The following HYCC1 variants were observed in gnomAD, a reference collection of about 807,000 sequenced individuals.
HYCC1 encodes hyccin PI4KA lipid kinase complex subunit 1, also known as hyccin.
chr7:22,929,792 C>T, the HYCC1 span, among the ~76,000 whole-genome samples: 1 of 152,122 alleles, frequency 6.6e-6, no homozygotes, highest in African/African-American at 2.4e-5. Context: ...GGCGATTCCT[C>T]AAGGATCTAG....
the HYCC1 span, among the ~76,000 whole-genome samples, chr7:22,932,438 C>T: frequency 6.6e-6 from 1 of 152,140 alleles, no homozygotes; most frequent in South Asian, 2.1e-4. Context: ...AACCTGTTGG[C>T]TAACAGAGGC....
chr7:22,990,319 T>C, the HYCC1 span, among the ~76,000 whole-genome samples: 1 of 152,174 alleles, frequency 6.6e-6, no homozygotes. Flanking sequence ...GGTCCCATGG[T>C]GTCTGTTGGG....
chr7:22,916,820 G>C, the HYCC1 span, among the ~76,000 whole-genome samples: 14 of 152,158 alleles, frequency 9.2e-5, no homozygotes, highest in Admixed American at 9.2e-4. Flanking sequence ...CTACCTCTCA[G>C]CAAGCTGAAC....
the HYCC1 span, among the ~76,000 whole-genome samples, chr7:22,999,402 G>T: frequency 1.3e-5 from 2 of 152,138 alleles, no homozygotes; most frequent in African/African-American, 2.4e-5. Context: ...ACATACAAAT[G>T]ATAAAGTTTA....
the HYCC1 span, among the ~76,000 whole-genome samples, chr7:23,007,538 T>A: frequency 6.6e-6 from 1 of 152,124 alleles, no homozygotes; most frequent in Non-Finnish European, 1.5e-5. Context: ...TTAGAGCCAA[T>A]CTATTTCAAA....
the HYCC1 span, among the ~76,000 whole-genome samples, chr7:23,013,036 G>A: frequency 1.3e-5 from 2 of 152,172 alleles, no homozygotes; most frequent in African/African-American, 2.4e-5. Context: ...ATTTCTCAGA[G>A]AGCAGATTCT....
the HYCC1 span, among the ~76,000 whole-genome samples, chr7:22,960,689 A>G: frequency 1.3e-5 from 2 of 152,232 alleles, no homozygotes; most frequent in African/African-American, 4.8e-5. Flanking sequence ...CAGCTAAAGT[A>G]TGTTAAGGAG....
chr7:22,978,020 G>C, the HYCC1 span: 19 of 579,924 alleles, frequency 3.3e-5, no homozygotes, highest in Non-Finnish European at 5.5e-5. Flanking sequence ...GATATTTTCA[G>C]ATATCTCTAT....
At chr7:22,983,655 A>G in the HYCC1 span, 1 of 372,162 alleles carries the variant, frequency 2.7e-6, no homozygotes, top group Non-Finnish European at 5.0e-6. Flanking sequence ...CCGATGGCTC[A>G]TAATGGGCAC....
At chr7:22,980,274 G>GTTT in the HYCC1 span, among the ~76,000 whole-genome samples, 282 of 146,302 alleles carry the variant, frequency 1.9e-3, no homozygotes, top group Middle Eastern at 3.5e-3. Context: ...ATTTTTTAAT[G>GTTT]TTTTTTTTTT....
At chr7:22,924,253 G>A in the HYCC1 span, among the ~76,000 whole-genome samples, 3 of 151,822 alleles carry the variant, frequency 2.0e-5, no homozygotes, top group Non-Finnish European at 4.4e-5. Flanking sequence ...CTCCCAGCAT[G>A]AGCGATGCAG....
chr7:22,923,992 A>C, the HYCC1 span, among the ~76,000 whole-genome samples: 1 of 95,960 alleles, frequency 1.0e-5, no homozygotes, highest in Non-Finnish European at 2.2e-5. Flanking sequence ...CCCTGACTTT[A>C]ATGAAAAAAA....
the HYCC1 span, among the ~76,000 whole-genome samples, chr7:23,004,966 C>T: frequency 3.3e-4 from 50 of 152,144 alleles, no homozygotes; most frequent in Non-Finnish European, 5.7e-4. Context: ...CCACCATGCC[C>T]GGCTAATTTT....
the HYCC1 span, among the ~76,000 whole-genome samples, chr7:22,993,258 C>T: frequency 5.3e-5 from 8 of 152,102 alleles, no homozygotes; most frequent in South Asian, 1.7e-3. Flanking sequence ...AGTTGGACCA[C>T]AGATCTAATT....
the HYCC1 span, among the ~76,000 whole-genome samples, chr7:22,999,603 G>C: frequency 6.6e-6 from 1 of 152,062 alleles, no homozygotes; most frequent in Non-Finnish European, 1.5e-5. Context: ...CAGTAGGCTG[G>C]GCAGAGTCAG....
chr7:22,900,596 G>T, the HYCC1 span, among the ~76,000 whole-genome samples: 52 of 151,962 alleles, frequency 3.4e-4, no homozygotes, highest in Non-Finnish European at 8.8e-5. Flanking sequence ...AATTCTTAGA[G>T]CAATCATTAA....
the HYCC1 span, among the ~76,000 whole-genome samples, chr7:23,004,839 T>C: frequency 9.2e-5 from 14 of 152,204 alleles, no homozygotes; most frequent in Non-Finnish European, 1.8e-4. Flanking sequence ...GGAGTCTCAC[T>C]GTGTCGCTCA....
At chr7:22,986,829 C>G in the HYCC1 span, among the ~76,000 whole-genome samples, 1 of 152,170 alleles carries the variant, frequency 6.6e-6, no homozygotes, top group African/African-American at 2.4e-5. Context: ...GCCTGGGCAA[C>G]AGAACGAGAC....
At chr7:22,962,746 C>A in the HYCC1 span, among the ~76,000 whole-genome samples, 1 of 151,258 alleles carries the variant, frequency 6.6e-6, no homozygotes, top group Non-Finnish European at 1.5e-5. Context: ...TACCTCCCCC[C>A]ATTTCCATGC....
Sources: gnomAD v4.1 joint callset for allele counts (sites outside exome capture counted in the v4.1 genomes callset) on GRCh38, gnomAD v4.1.1 for gene constraint, MANE v1.5 for transcripts, NCBI Gene and HGNC (gene_info 2026-07-23, HGNC 2026-07-21) for gene names.